Variants in MAGI2 observed in about 807,000 individuals in gnomAD.
MAGI2 encodes the protein membrane-associated guanylate kinase, WW and PDZ domain-containing protein 2.
A neutral mutation model predicts 133.3 loss-of-function variants in MAGI2; 35 were observed. The observed-to-expected ratio is 0.26, with a 90% CI of 0.20 to 0.35. The LOEUF is 0.35. MAGI2 is among the 10% of genes least tolerant of loss of function. The pLI, the probability that MAGI2 is intolerant of heterozygous loss-of-function variation, is 1.00. For synonymous variants in MAGI2, 729 were observed against 710.6 expected, an observed-to-expected ratio of 1.03 and a Z score of -0.41; for missense variants, 1,636 against 1,863.4, an observed-to-expected ratio of 0.88 and a Z score of 2.25.
At chr7:78,673,184 G>A (rs1208893404) in intron 2 of MAGI2, among the ~76,000 whole-genome samples, 4 of 151,594 alleles carry the variant, frequency 2.6e-5, no homozygotes, top group East Asian at 1.9e-4. Flanking sequence ...AACTCATTTC[G>A]TTAATGACAT....
intron 6 of MAGI2, among the ~76,000 whole-genome samples, chr7:78,445,405 T>G (rs929314895): frequency 1.1e-4 from 17 of 152,182 alleles, no homozygotes; most frequent in African/African-American, 3.9e-4. Flanking sequence ...CTGGCTGCAT[T>G]GTAAAATTCA....
intron 18 of MAGI2, among the ~76,000 whole-genome samples, chr7:78,130,738 T>C (rs1370677813): frequency 6.6e-6 from 1 of 152,214 alleles, no homozygotes; most frequent in Non-Finnish European, 1.5e-5. Context: ...AATGTAGTAG[T>C]AGAAGAAGCA....
intron 5 of MAGI2, among the ~76,000 whole-genome samples, chr7:78,500,843 C>T (rs1225824027): frequency 3.3e-5 from 5 of 152,138 alleles, no homozygotes; most frequent in African/African-American, 7.2e-5. Flanking sequence ...AATCCCAGCA[C>T]TTTGTGAGGC....
chr7:78,662,239 G>C lies in MAGI2; in HGVS notation c.419-35000C>G, dbSNP rs938697934. 2.0e-5 allele frequency among the ~76,000 whole-genome samples: 3 copies of C among 152,126 alleles called. No homozygotes were observed. The South Asian group carries it at 6.2e-4, about 32-fold the overall frequency. On this transcript the variant is annotated intron_variant, in intron 2 of 21. Coordinates refer to ENST00000354212, the MANE Select transcript of MAGI2 (RefSeq NM_012301.4). ...GGTGTGCATAGACACATGGTGACAG[G>C]GCAAGATATTAGCTTTGTTTTCTCA... is the stretch of plus-strand genomic sequence containing the variant.
chr7:79,371,331 C>T (rs1418685542), intron 1 of MAGI2, among the ~76,000 whole-genome samples: 1 of 151,904 alleles, frequency 6.6e-6, no homozygotes, highest in Admixed American at 6.6e-5. Context: ...CAAAGTAATA[C>T]TCTAACTTAC....
chr7:78,805,147 C>T (rs1788463357), intron 2 of MAGI2, among the ~76,000 whole-genome samples: 1 of 151,768 alleles, frequency 6.6e-6, no homozygotes, highest in Admixed American at 6.6e-5. Flanking sequence ...AGCTACGACT[C>T]TAAATATCTA....
chr7:78,410,167 A>T (rs530224324), intron 6 of MAGI2, among the ~76,000 whole-genome samples: 2 of 152,142 alleles, frequency 1.3e-5, no homozygotes, highest in East Asian at 3.9e-4. Flanking sequence ...AAACTAAAAG[A>T]TTTGTTAAAA....
chr7:78,784,203 G>GTTTTTTTTTT (rs36109639), intron 2 of MAGI2, among the ~76,000 whole-genome samples: 1 of 147,280 alleles, frequency 6.8e-6, no homozygotes, highest in Non-Finnish European at 1.5e-5. Flanking sequence ...AATGTTTTAG[G>GTTTTTTTTTT]TTTTTTTTTT....
intron 2 of MAGI2, among the ~76,000 whole-genome samples, chr7:78,744,125 A>G (rs1822699160): frequency 6.6e-6 from 1 of 152,182 alleles, no homozygotes; most frequent in Non-Finnish European, 1.5e-5. Context: ...TTTTAACATG[A>G]GTAGGTAAAA....
At chr7:78,891,458 A>C (rs567999744) in intron 2 of MAGI2, among the ~76,000 whole-genome samples, 92 of 152,344 alleles carry the variant, frequency 6.0e-4, no homozygotes, top group African/African-American at 2.1e-3. Flanking sequence ...TCCCTGATGA[A>C]CATCGATGCA....
intron 2 of MAGI2, among the ~76,000 whole-genome samples, chr7:78,638,192 A>G (rs1198008294): frequency 2.0e-5 from 3 of 152,208 alleles, no homozygotes; most frequent in African/African-American, 4.8e-5. Context: ...AAGTTGATGT[A>G]TATGCAATAT....
chr7:78,768,553 G>A (rs564703002), intron 2 of MAGI2, among the ~76,000 whole-genome samples: 14 of 152,260 alleles, frequency 9.2e-5, no homozygotes, highest in African/African-American at 2.6e-4. Flanking sequence ...AGGTGCTCAC[G>A]ATGAAAACCC....
At chr7:78,659,811 C>A (rs1245375413) in intron 2 of MAGI2, among the ~76,000 whole-genome samples, 2 of 152,024 alleles carry the variant, frequency 1.3e-5, no homozygotes, top group Non-Finnish European at 2.9e-5. Flanking sequence ...TAAGTAGGAT[C>A]CCTCTGTATG....
intron 1 of MAGI2, among the ~76,000 whole-genome samples, chr7:79,161,303 A>G (rs1275661804): frequency 6.6e-6 from 1 of 152,034 alleles, no homozygotes; most frequent in South Asian, 2.1e-4. Context: ...CCCACAAAGT[A>G]TAGGGTAAAA....
chr7:78,230,732 G>A (rs970074883), intron 10 of MAGI2, among the ~76,000 whole-genome samples: 2 of 152,120 alleles, frequency 1.3e-5, no homozygotes, highest in South Asian at 2.1e-4. Context: ...TTAGCCTGAC[G>A]CCAGCTCAGA....
intron 1 of MAGI2, among the ~76,000 whole-genome samples, chr7:79,136,044 A>AGAAAGAAAGAAG (rs1562929042): frequency 1.1e-4 from 15 of 136,974 alleles, no homozygotes; most frequent in African/African-American, 2.9e-4. Context: ...AAAGAAAGAA[A>AGAAAGAAAGAAG]GAAGGAAAGA....
At chr7:78,231,450 T>C (rs970661910) in intron 10 of MAGI2, among the ~76,000 whole-genome samples, 3 of 152,142 alleles carry the variant, frequency 2.0e-5, no homozygotes, top group African/African-American at 7.2e-5. Context: ...CAACAATTGA[T>C]GATAAACAGC....
intron 15 of MAGI2, among the ~76,000 whole-genome samples, chr7:78,165,488 T>C (rs1825532638): frequency 6.6e-6 from 1 of 152,214 alleles, no homozygotes; most frequent in Non-Finnish European, 1.5e-5. Context: ...AAAAAGCCAG[T>C]GCCCTCTGTC....
At chr7:78,624,048 T>C (rs554529712) in intron 3 of MAGI2, among the ~76,000 whole-genome samples, 1 of 152,282 alleles carries the variant, frequency 6.6e-6, no homozygotes, top group African/African-American at 2.4e-5. Flanking sequence ...TGGTATCTCA[T>C]TGTGGTTTTG....
Sources: allele counts gnomAD v4.1 joint callset (sites outside exome capture counted in the v4.1 genomes callset), GRCh38; gene constraint gnomAD v4.1.1; transcripts MANE v1.5; gene names NCBI Gene and HGNC (gene_info 2026-07-23, HGNC 2026-07-21).